WDFY3: variants seen among roughly 807,000 people sequenced by gnomAD.
The protein encoded by WDFY3 is WD repeat and FYVE domain-containing protein 3.
A neutral mutation model predicts 409.6 loss-of-function variants in WDFY3; 66 were observed. The ratio of observed to expected loss-of-function variants is 0.16; its 90% CI spans 0.13 to 0.20. WDFY3 has a LOEUF of 0.20. Ranked by LOEUF, WDFY3 falls within the 10% of genes least tolerant of loss-of-function variation. WDFY3 has a pLI of 1.00. For synonymous variants in WDFY3, 1,521 were observed against 1,537.1 expected (o/e 0.99, Z 0.25); for missense variants, 3,031 against 4,298.1 (o/e 0.71, Z 8.24).
chr4:84,746,385 G>A (rs1739452133), intron 36 of WDFY3, among the ~76,000 whole-genome samples: 1 of 152,076 alleles, frequency 6.6e-6, no homozygotes, highest in Admixed American at 6.5e-5. Context: ...GTAATGAGTA[G>A]GGCTTATCAA....
At chr4:84,786,793 C>A (rs1318865268) in intron 23 of WDFY3, among the ~76,000 whole-genome samples, 1 of 152,140 alleles carries the variant, frequency 6.6e-6, no homozygotes, top group Non-Finnish European at 1.5e-5. Flanking sequence ...ATTTAGCACA[C>A]AGTAAGTGCC....
intron 2 of WDFY3, among the ~76,000 whole-genome samples, chr4:84,927,725 C>T (rs1770192444): frequency 6.6e-6 from 1 of 152,190 alleles, no homozygotes; most frequent in South Asian, 2.1e-4. Flanking sequence ...CATTCTCTCT[C>T]CTGCTGCCCT....
rs1766922593 is a variant in WDFY3, at chr4:84,905,496, C to T, written c.-131-8486G>A. ...CTCTTCATGTTAAGTCCCATTGGTT[C>T]CACCTACAGACTAGATCTCATCTAT... On this transcript the variant is annotated intron_variant, in intron 2 of 67. Coordinates refer to ENST00000295888, the MANE Select transcript of WDFY3 (RefSeq NM_014991.6). Among the ~76,000 whole-genome samples the T allele has an allele frequency of 2.6e-5, 4 of 152,154 alleles. No homozygotes were observed. The South Asian group carries it at 8.3e-4, about 32-fold the overall frequency.
intron 58 of WDFY3, among the ~76,000 whole-genome samples, chr4:84,694,123 A>G (rs921757413): frequency 3.3e-5 from 5 of 152,196 alleles, no homozygotes; most frequent in African/African-American, 1.2e-4. Flanking sequence ...GTGCAGAGGA[A>G]GATACACATT....
In WDFY3 at chr4:84,733,521, G is replaced by A; in HGVS notation, c.7082C>T (p.Pro2361Leu). Residue 2361 changes from proline (P) to leucine (L), a missense_variant, in exon 44 of 68, where the codon CCC (proline) becomes CTC (leucine). Around this residue, in one of 16 missense-constraint regions of WDFY3, gnomAD observed 98 missense variants for 194.9 expected, o/e 0.50. Transcript: ENST00000295888. ...CCACTTGTCGAGGTGGGAGCCGATG[G>A]GAGGGCCCCACAGCCCCCGCTCCCT... The part of the protein sequence containing the change: ...LLRERGLWGP[P>L]IGSHLDKWML... The A allele has an allele frequency of 1.2e-6, 2 of 1,614,062 alleles. No individual in the cohort carries two copies. The highest frequency in any genetic ancestry group is 1.6e-4 in the Middle Eastern group (1 of 6,062).
At chr4:84,742,260 T>C (rs1738563629) in intron 37 of WDFY3, among the ~76,000 whole-genome samples, 1 of 152,204 alleles carries the variant, frequency 6.6e-6, no homozygotes, top group Admixed American at 6.5e-5. Flanking sequence ...TAGCTCTTAA[T>C]TGATTTTGTG....
Position 84,810,072 on chromosome 4 carries a change from T to C in WDFY3, c.2160A>G (p.Arg720=), listed in dbSNP as rs755081832. 1 of 1,614,144 alleles carries C rather than the reference T, an allele frequency of 6.2e-7. No homozygotes were observed. The highest frequency in any genetic ancestry group is 1.1e-5 in the South Asian group (1 of 91,084). ...TTAGGTCTGAGAAGCAGCCAAGAAA[T>C]CGAACAGCATCTGCCAACTTCTCAT... ...IQYEKLADAV[R]FLGCFSDLRK... The change falls in exon 14 of 68, where the codon CGA becomes CGG. Residue 720 remains arginine (R), a synonymous_variant. Transcript: ENST00000295888.
chr4:84,937,782 G>T (rs1771618030), intron 1 of WDFY3, among the ~76,000 whole-genome samples: 1 of 151,954 alleles, frequency 6.6e-6, no homozygotes, highest in South Asian at 2.1e-4. Context: ...CAACTTCCTT[G>T]CCATTCTTTT....
chr4:84,673,392 G>T (rs745733730), intron 67 of WDFY3, among the ~76,000 whole-genome samples: 8 of 152,074 alleles, frequency 5.3e-5, no homozygotes, highest in Non-Finnish European at 8.8e-5. Context: ...TTGGAAATCA[G>T]AAAAACTCAC....
chr4:84,839,211 A>T (rs902293561), intron 6 of WDFY3, among the ~76,000 whole-genome samples: 6 of 152,112 alleles, frequency 3.9e-5, no homozygotes, highest in Non-Finnish European at 7.4e-5. Context: ...AACTGTATTA[A>T]AAGTTAATAT....
intron 1 of WDFY3, among the ~76,000 whole-genome samples, chr4:84,946,574 A>C (rs756293627): frequency 2.0e-5 from 3 of 152,076 alleles, no homozygotes; most frequent in Non-Finnish European, 4.4e-5. Context: ...GGTTATCTCT[A>C]CTAGTGGGGA....
rs766345728 is a variant in WDFY3, at chr4:84,780,341, T to A, written c.4175-43A>T. On this transcript the variant is annotated intron_variant, in intron 25 of 67. Coordinates refer to ENST00000295888, the MANE Select transcript of WDFY3 (RefSeq NM_014991.6). ...AAAAATAATTAAGATAAATTCCCCATGTGAACAAGAACTGTATACATCATC... is the reference window on the plus strand; with the variant it reads ...AAAAATAATTAAGATAAATTCCCCAAGTGAACAAGAACTGTATACATCATC... 22 of 1,564,978 alleles carry A rather than the reference T, an allele frequency of 1.4e-5. No homozygotes were observed. In the South Asian group the frequency reaches 1.6e-4, roughly 11 times the overall value.
At chr4:84,759,287 GCT>G (rs1169978835) in intron 32 of WDFY3, among the ~76,000 whole-genome samples, 2 of 152,096 alleles carry the variant, frequency 1.3e-5, no homozygotes, top group Admixed American at 1.3e-4. Flanking sequence ...GGGGATGCGG[GCT>G]CTTTTTTGGT....
intron 4 of WDFY3, among the ~76,000 whole-genome samples, chr4:84,859,896 A>T (rs1312397028): frequency 6.6e-6 from 1 of 152,194 alleles, no homozygotes; most frequent in Non-Finnish European, 1.5e-5. Context: ...TTATTTTAAA[A>T]ATACCCAACA....
At chr4:84,922,902 A>G (rs972270756) in intron 2 of WDFY3, among the ~76,000 whole-genome samples, 2 of 152,230 alleles carry the variant, frequency 1.3e-5, no homozygotes, top group African/African-American at 4.8e-5. Context: ...CCCATATGCA[A>G]CAGAGTTATT....
At chr4:84,827,101 C>T (rs1754974790) in intron 9 of WDFY3, 120 bp from the exon 10 acceptor site, 10 of 1,026,010 alleles carry the variant, frequency 9.7e-6, no homozygotes, top group Non-Finnish European at 1.2e-5. Flanking sequence ...CTGGGAAGTA[C>T]TGAAAGAACA....
chr4:84,702,573 A>T (rs577230370), intron 55 of WDFY3, 67 bp from the exon 56 acceptor site: 3 of 1,371,684 alleles, frequency 2.2e-6, no homozygotes, highest in African/African-American at 2.9e-5. Context: ...TGTCAAGTTC[A>T]AGAGCTTGAA....
chr4:84,829,815 A>AAATAAATAAATG (rs1170177530), intron 8 of WDFY3, among the ~76,000 whole-genome samples: 75 of 145,272 alleles, frequency 5.2e-4, no homozygotes, highest in African/African-American at 1.8e-3. Context: ...GTCTCAAAAT[A>AAATAAATAAATG]AATAAATAAA....
At chr4:84,795,078 G>T in intron 19 of WDFY3, 99 bp from the exon 20 acceptor site, 1 of 795,890 alleles carries the variant, frequency 1.3e-6, no homozygotes, top group Non-Finnish European at 1.8e-6. Context: ...ATTTAATGGT[G>T]ACTAGAGAAA....
Sources: gnomAD v4.1 joint callset for allele counts (sites outside exome capture counted in the v4.1 genomes callset) on GRCh38, gnomAD v4.1.1 for gene constraint, gnomAD v4.1.1 regional missense constraint, MANE v1.5 for transcripts, NCBI Gene and HGNC (gene_info 2026-07-23, HGNC 2026-07-21) for gene names.